SNTG1: variants seen among roughly 807,000 people sequenced by gnomAD.
The protein encoded by SNTG1 is gamma-1-syntrophin.
Under a neutral mutation model 74.7 loss-of-function variants are expected in SNTG1, and 39 were observed. That is an observed-to-expected ratio of 0.52 (90% CI 0.40 to 0.68). The LOEUF is 0.68. SNTG1 is among the 30% of genes least tolerant of loss of function. The pLI is 0.00. For missense variants in SNTG1, 685 were observed against 609.5 expected, an observed-to-expected ratio of 1.12 and a Z score of -1.30; for synonymous variants, 254 against 217.1, an observed-to-expected ratio of 1.17 and a Z score of -1.49.
At chr8:50,495,859 C>T (rs1325967097) in intron 8 of SNTG1, among the ~76,000 whole-genome samples, 1 of 152,132 alleles carries the variant, frequency 6.6e-6, no homozygotes, top group Non-Finnish European at 1.5e-5. Context: ...CTGGTAGACA[C>T]ACAAATGGCA....
At chr8:50,261,342 T>A (rs2087183512) in intron 2 of SNTG1, among the ~76,000 whole-genome samples, 1 of 152,178 alleles carries the variant, frequency 6.6e-6, no homozygotes. Context: ...AATAAAACTT[T>A]TCCAGATAAA....
At chr8:50,438,819 T>C (rs1236914026) in intron 5 of SNTG1, among the ~76,000 whole-genome samples, 1 of 152,224 alleles carries the variant, frequency 6.6e-6, no homozygotes, top group Non-Finnish European at 1.5e-5. Flanking sequence ...ATTTACCTTA[T>C]GATTGAATTT....
intron 13 of SNTG1, among the ~76,000 whole-genome samples, chr8:50,656,462 G>A (rs1188894767): frequency 6.6e-6 from 1 of 152,152 alleles, no homozygotes; most frequent in African/African-American, 2.4e-5. Flanking sequence ...TGCCGCCCTA[G>A]TGGTATTGCC....
At chr8:49,978,062 C>G (rs1458998295) in intron 1 of SNTG1, among the ~76,000 whole-genome samples, 3 of 152,194 alleles carry the variant, frequency 2.0e-5, no homozygotes, top group Non-Finnish European at 2.9e-5. Context: ...TGTTGCCAAC[C>G]CAGCTCACAA....
chr8:50,366,317 A>C (rs2131109356), intron 2 of SNTG1, among the ~76,000 whole-genome samples: 1 of 152,322 alleles, frequency 6.6e-6, no homozygotes, highest in East Asian at 1.9e-4. Flanking sequence ...AGAGTGAGTC[A>C]GCACAGAACT....
chr8:49,957,676 T>C (rs918682378), intron 1 of SNTG1, among the ~76,000 whole-genome samples: 5 of 152,216 alleles, frequency 3.3e-5, no homozygotes, highest in African/African-American at 1.2e-4. Context: ...CCAGGTTACT[T>C]ACTCAGATGC....
chr8:50,565,115 A>G (rs118070244), intron 12 of SNTG1, among the ~76,000 whole-genome samples: 1,664 of 152,190 alleles, frequency 0.011, 10 homozygotes, highest in Non-Finnish European at 0.018. Flanking sequence ...ATAGTGGACA[A>G]TCCCAACTGA....
At chr8:50,159,604 G>A (rs1295880012) in intron 1 of SNTG1, among the ~76,000 whole-genome samples, 1 of 152,082 alleles carries the variant, frequency 6.6e-6, no homozygotes, top group Non-Finnish European at 1.5e-5. Context: ...TGTTTATATA[G>A]AGAATATTTT....
chr8:49,928,008 A>C (rs958321416), intron 1 of SNTG1, among the ~76,000 whole-genome samples: 12 of 151,656 alleles, frequency 7.9e-5, no homozygotes, highest in Non-Finnish European at 5.9e-5. Flanking sequence ...GTGCACCTGT[A>C]GTCCCAGCTA....
chr8:50,604,977 C>T (rs2130951605), intron 13 of SNTG1, among the ~76,000 whole-genome samples: 1 of 152,278 alleles, frequency 6.6e-6, no homozygotes, highest in African/African-American at 2.4e-5. Context: ...TGTCCCCAGA[C>T]TGGGTCCCTC....
chr8:50,450,474 T>C (rs2093445467), intron 6 of SNTG1, 82 bp from the exon 7 acceptor site: 1 of 1,401,116 alleles, frequency 7.1e-7, no homozygotes, highest in Non-Finnish European at 1.0e-6. Flanking sequence ...TTTGTAAATT[T>C]TACCTTTATT....
At chr8:50,093,558 C>G (rs1166626767) in intron 1 of SNTG1, among the ~76,000 whole-genome samples, 1 of 152,060 alleles carries the variant, frequency 6.6e-6, no homozygotes, top group Non-Finnish European at 1.5e-5. Context: ...TAGGGCTGGA[C>G]TAGAACTTCA....
chr8:50,439,205 T>C (rs1385080413), intron 5 of SNTG1, among the ~76,000 whole-genome samples: 1 of 152,144 alleles, frequency 6.6e-6, no homozygotes, highest in Non-Finnish European at 1.5e-5. Context: ...TTTATTATCA[T>C]TGAAATAAAG....
intron 1 of SNTG1, among the ~76,000 whole-genome samples, chr8:50,010,779 G>T (rs550280518): frequency 1.4e-4 from 21 of 146,844 alleles, no homozygotes; most frequent in Non-Finnish European, 2.7e-4. Flanking sequence ...AAGGACACAG[G>T]CCTCTCTTTT....
chr8:49,964,504 G>A (rs1028949403), intron 1 of SNTG1, among the ~76,000 whole-genome samples: 1 of 152,214 alleles, frequency 6.6e-6, no homozygotes, highest in African/African-American at 2.4e-5. Flanking sequence ...CAGATAGGTA[G>A]AGATTATATA....
chr8:50,528,899 A>G (rs1470414362), intron 9 of SNTG1, among the ~76,000 whole-genome samples: 1 of 149,616 alleles, frequency 6.7e-6, no homozygotes, highest in Middle Eastern at 3.5e-3. Flanking sequence ...TCTCTTTTCT[A>G]TTTAATTTTT....
chr8:50,282,880 C>T (rs1396842434), intron 2 of SNTG1, among the ~76,000 whole-genome samples: 1 of 152,164 alleles, frequency 6.6e-6, no homozygotes, highest in Non-Finnish European at 1.5e-5. Flanking sequence ...ACCAATGTTA[C>T]CAATTGTGTC....
intron 2 of SNTG1, among the ~76,000 whole-genome samples, chr8:50,393,866 C>T (rs2092693684): frequency 6.6e-6 from 1 of 152,122 alleles, no homozygotes; most frequent in African/African-American, 2.4e-5. Flanking sequence ...TTCTCAATTG[C>T]AAACTCAGGT....
rs193287331 is a variant in SNTG1, at chr8:50,685,289, C to T, written c.1039-19311C>T. On this transcript the variant is annotated intron_variant, in intron 15 of 18. Coordinates refer to ENST00000642720, the MANE Select transcript of SNTG1 (RefSeq NM_018967.5). The stretch of plus-strand genomic sequence containing the variant: ...AGGTAAATGCTAGTGACATGAGAGA[C>T]GCTGCTAGAAAGAACTATGCCATTT... Among the ~76,000 whole-genome samples, 20 of 152,174 alleles carry T rather than the reference C, an allele frequency of 1.3e-4. 2 individuals are homozygous for T. The highest frequency in any genetic ancestry group is 1.0e-3 in the South Asian group (5 of 4,816).
Sources: gnomAD v4.1 joint callset for allele counts (sites outside exome capture counted in the v4.1 genomes callset) on GRCh38, gnomAD v4.1.1 for gene constraint, MANE v1.5 for transcripts, NCBI Gene and HGNC (gene_info 2026-07-23, HGNC 2026-07-21) for gene names.